B3GALT1: variants seen among roughly 807,000 people sequenced by gnomAD.
B3GALT1 encodes beta-1,3-galactosyltransferase 1.
B3GALT1 carries 10 observed loss-of-function variants against 23.2 expected under a neutral mutation model. The observed-to-expected ratio is 0.43, with a 90% CI of 0.27 to 0.73. B3GALT1 has a LOEUF of 0.73. Ranked by LOEUF, B3GALT1 falls within the 30% of genes least tolerant of loss-of-function variation. The pLI is 0.21. For missense variants in B3GALT1, 299 were observed against 405.4 expected (o/e 0.74, Z 2.25); for synonymous variants, 156 against 141.5 (o/e 1.10, Z -0.73).
intron 1 of B3GALT1, among the ~76,000 whole-genome samples, chr2:167,304,793 A>G (rs1696524723): frequency 6.6e-6 from 1 of 152,158 alleles, no homozygotes; most frequent in South Asian, 2.1e-4. Context: ...TGCCATCAAC[A>G]GGCTGGAAAA....
chr2:167,594,497 G>T (rs987919230), intron 2 of B3GALT1, among the ~76,000 whole-genome samples: 1 of 152,192 alleles, frequency 6.6e-6, no homozygotes, highest in Admixed American at 6.5e-5. Context: ...CTAAACTGGG[G>T]TTTGAAAACC....
chr2:167,692,507 C>T (rs1018061493), intron 3 of B3GALT1, among the ~76,000 whole-genome samples: 1 of 152,062 alleles, frequency 6.6e-6, no homozygotes, highest in African/African-American at 2.4e-5. Context: ...CATGCATACT[C>T]ATTTTTAAAA....
At chr2:167,324,139 C>G (rs978585667) in intron 1 of B3GALT1, among the ~76,000 whole-genome samples, 2 of 152,082 alleles carry the variant, frequency 1.3e-5, no homozygotes, top group African/African-American at 2.4e-5. Flanking sequence ...CACTAGCACT[C>G]TGCTTCAGAG....
At chr2:167,747,665 T>C (rs952423688) in intron 3 of B3GALT1, among the ~76,000 whole-genome samples, 1 of 152,198 alleles carries the variant, frequency 6.6e-6, no homozygotes, top group African/African-American at 2.4e-5. Context: ...TCCACATGAA[T>C]ACCGTGTGAG....
intron 2 of B3GALT1, among the ~76,000 whole-genome samples, chr2:167,619,277 C>T (rs1346404722): frequency 6.6e-6 from 1 of 151,790 alleles, no homozygotes; most frequent in Non-Finnish European, 1.5e-5. Context: ...CATTGAATGC[C>T]CTCTTAGCAC....
intron 3 of B3GALT1, among the ~76,000 whole-genome samples, chr2:167,729,571 C>G (rs1687374488): frequency 6.6e-6 from 1 of 152,126 alleles, no homozygotes; most frequent in South Asian, 2.1e-4. Context: ...TAAAACTTGT[C>G]AATTCTGTGT....
intron 3 of B3GALT1, among the ~76,000 whole-genome samples, chr2:167,656,506 C>T (rs142478640): frequency 2.9e-3 from 436 of 152,164 alleles, no homozygotes; most frequent in African/African-American, 9.8e-3. Context: ...CTTTTACATG[C>T]ATTTTCCTGA....
chr2:167,513,530 A>C (rs1700059480), intron 2 of B3GALT1, among the ~76,000 whole-genome samples: 1 of 152,330 alleles, frequency 6.6e-6, no homozygotes, highest in Non-Finnish European at 1.5e-5. Flanking sequence ...TGTTAGATAT[A>C]TTAAAGATTC....
intron 2 of B3GALT1, among the ~76,000 whole-genome samples, chr2:167,598,623 C>T (rs912651321): frequency 1.3e-5 from 2 of 152,114 alleles, no homozygotes; most frequent in African/African-American, 2.4e-5. Flanking sequence ...CCTGAAGAAC[C>T]GGAGTAAACT....
intron 4 of B3GALT1, among the ~76,000 whole-genome samples, chr2:167,853,535 G>T (rs1689944107): frequency 6.6e-6 from 1 of 151,886 alleles, no homozygotes. Context: ...CTTAAAGGTA[G>T]GAAATTTGCA....
chr2:167,701,889 A>G (rs1574221245), intron 3 of B3GALT1, among the ~76,000 whole-genome samples: 2 of 152,174 alleles, frequency 1.3e-5, no homozygotes, highest in African/African-American at 2.4e-5. Flanking sequence ...GTGCTTTACT[A>G]CTGCACTGCA....
At chr2:167,590,419 A>G (rs963377859) in intron 2 of B3GALT1, among the ~76,000 whole-genome samples, 16 of 151,782 alleles carry the variant, frequency 1.1e-4, no homozygotes, top group Non-Finnish European at 2.2e-4. Context: ...TGATGGGTTG[A>G]TCTGTGCAGC....
chr2:167,619,196 T>C (rs766230581), intron 2 of B3GALT1, among the ~76,000 whole-genome samples: 2 of 151,996 alleles, frequency 1.3e-5, no homozygotes, highest in Non-Finnish European at 2.9e-5. Context: ...ATTCTATAGG[T>C]TATACTATTG....
At chr2:167,784,044 CAGAAGAATTCCAAGCCACCTTATCT>C (rs1448734065) in intron 3 of B3GALT1, among the ~76,000 whole-genome samples, 1 of 152,174 alleles carries the variant, frequency 6.6e-6, no homozygotes, top group Non-Finnish European at 1.5e-5. Flanking sequence ...CTGGGAATGC[CAGAAGAATTCCAAGCCACCTTATCT>C]AGACTTTTAT....
intron 3 of B3GALT1, among the ~76,000 whole-genome samples, chr2:167,705,694 C>CT (rs1488690533): frequency 6.6e-6 from 1 of 152,196 alleles, no homozygotes; most frequent in East Asian, 1.9e-4. Flanking sequence ...AATTGGGACT[C>CT]TAATTGCCTC....
At chr2:167,560,121 A>C (rs547895659) in intron 2 of B3GALT1, among the ~76,000 whole-genome samples, 15 of 152,342 alleles carry the variant, frequency 9.8e-5, no homozygotes, top group South Asian at 4.1e-4. Flanking sequence ...CAGAAACTCT[A>C]CAAGCCAGAA....
intron 1 of B3GALT1, among the ~76,000 whole-genome samples, chr2:167,407,608 A>C (rs889180624): frequency 6.6e-6 from 1 of 152,052 alleles, no homozygotes; most frequent in African/African-American, 2.4e-5. Flanking sequence ...TAAGGACAAA[A>C]GAGAGAAGAC....
chr2:167,394,265 TCAAA>T (rs1331500375), intron 1 of B3GALT1, among the ~76,000 whole-genome samples: 1 of 152,122 alleles, frequency 6.6e-6, no homozygotes, highest in Non-Finnish European at 1.5e-5. Flanking sequence ...CAGTTTTAGG[TCAAA>T]CACTCTTCGT....
At chr2:167,863,990 A>ATGTATGTGTG (rs1553497847) in intron 4 of B3GALT1, among the ~76,000 whole-genome samples, 1 of 143,620 alleles carries the variant, frequency 7.0e-6, no homozygotes, top group Non-Finnish European at 1.5e-5. Flanking sequence ...GCATGTATGT[A>ATGTATGTGTG]TGTGTGTGTG....
Sources: gnomAD v4.1 joint callset for allele counts (sites outside exome capture counted in the v4.1 genomes callset) on GRCh38, gnomAD v4.1.1 for gene constraint, MANE v1.5 for transcripts, NCBI Gene and HGNC (gene_info 2026-07-23, HGNC 2026-07-21) for gene names.